Variants in NT5C3A observed in about 807,000 individuals in gnomAD.
The protein encoded by NT5C3A is 5'-nucleotidase, cytosolic IIIA.
Under a neutral mutation model 40.0 loss-of-function variants are expected in NT5C3A, and 23 were observed. The observed-to-expected ratio is 0.58, with a 90% CI of 0.41 to 0.81. The LOEUF (loss-of-function observed/expected upper bound fraction) is 0.81, where lower values mean the gene tolerates loss of function less well. Among genes scored for constraint, NT5C3A ranks in the 40% least tolerant of loss-of-function variants. The pLI, the probability that NT5C3A is intolerant of heterozygous loss-of-function variation, is 0.00. For missense variants in NT5C3A, 328 were observed against 403.0 expected (o/e 0.81, Z 1.59); for synonymous variants, 130 against 141.4 (o/e 0.92, Z 0.57).
intron 1 of NT5C3A, chr7:33,040,931 C>T (rs1456269939): frequency 1.2e-5 from 12 of 985,312 alleles, no homozygotes; most frequent in Non-Finnish European, 1.4e-5. Context: ...CTGAGAAGTA[C>T]TAATATAGCA....
intron 1 of NT5C3A, among the ~76,000 whole-genome samples, chr7:33,052,844 G>A (rs943676763): frequency 6.6e-6 from 1 of 152,180 alleles, no homozygotes; most frequent in African/African-American, 2.4e-5. Context: ...CAAAGTTTCT[G>A]ATTGTTTGTC....
At chr7:33,024,208 T>C (rs566392266) in intron 2 of NT5C3A, 100 bp from the exon 3 acceptor site, 37 of 725,102 alleles carry the variant, frequency 5.1e-5, no homozygotes, top group Middle Eastern at 2.3e-4. Flanking sequence ...CCTAGATGCA[T>C]AGGACTGTGC....
intron 1 of NT5C3A, among the ~76,000 whole-genome samples, chr7:33,037,932 C>T (rs1485426267): frequency 6.6e-6 from 1 of 152,032 alleles, no homozygotes; most frequent in Non-Finnish European, 1.5e-5. Flanking sequence ...TGATTATAGT[C>T]AAGTTTAAGT....
intron 1 of NT5C3A, among the ~76,000 whole-genome samples, chr7:33,041,391 G>T (rs1219829245): frequency 6.6e-6 from 1 of 152,154 alleles, no homozygotes; most frequent in Non-Finnish European, 1.5e-5. Flanking sequence ...GTGGACAGTG[G>T]TTATGGTTGC....
chr7:33,015,603 C>A, intron 8 of NT5C3A, 67 bp downstream of exon 8: 1 of 1,028,848 alleles, frequency 9.7e-7, no homozygotes, highest in African/African-American at 1.6e-5. Context: ...GTGACTATGG[C>A]AACAATTGCC....
chr7:33,041,070 G>C (rs888218118), intron 1 of NT5C3A: 2 of 985,060 alleles, frequency 2.0e-6, no homozygotes, highest in Admixed American at 1.2e-4. Flanking sequence ...CTAGTCACAA[G>C]TCAATCTACA....
chr7:33,054,120 T>G (rs1182716781), intron 1 of NT5C3A, among the ~76,000 whole-genome samples: 1 of 151,756 alleles, frequency 6.6e-6, no homozygotes, highest in East Asian at 1.9e-4. Flanking sequence ...CTTTGGGAGG[T>G]AGAGGTAGGA....
chr7:33,017,578 T>G lies in NT5C3A; in HGVS notation c.554A>C (p.Asp185Ala). Residue 185 changes from aspartate to alanine, a missense_variant, in exon 7 of 9, where the codon GAT (aspartate) becomes GCT (alanine). By Grantham distance (126) the Asp-to-Ala change is moderately radical. Transcript: ENST00000610140. ...GGGGATGCTATGTTGTTGGAGCTTA[T>G]CAAAGAAATTCTCATATCCTTCTCT... ...MLKEGYENFF[D>A]KLQQHSIPVF... The G allele has an allele frequency of 6.2e-7, 1 of 1,613,822 alleles. No individual in the cohort carries two copies. Among genetic ancestry groups the G allele is most frequent in the South Asian group, 1.1e-5 (1 of 91,072 alleles).
At chr7:33,035,949 G>T in intron 1 of NT5C3A, 1 of 1,613,060 alleles carries the variant, frequency 6.2e-7, no homozygotes, top group Non-Finnish European at 8.5e-7. Context: ...TCACATGTAC[G>T]GCAGACTCTT....
At chr7:33,041,438 A>G (rs185951320) in intron 1 of NT5C3A, among the ~76,000 whole-genome samples, 1 of 152,188 alleles carries the variant, frequency 6.6e-6, no homozygotes, top group Admixed American at 6.5e-5. Flanking sequence ...ACCAAATGAA[A>G]TGCTTAAAAA....
chr7:33,035,027 A>G (rs918514786), intron 1 of NT5C3A, among the ~76,000 whole-genome samples: 50 of 69,660 alleles, frequency 7.2e-4, no homozygotes, highest in Non-Finnish European at 1.1e-3. Context: ...CACTAACGTA[A>G]TAGAGTAGAT....
At chr7:33,023,926 G>T in intron 3 of NT5C3A, 113 bp downstream of exon 3, 1 of 716,826 alleles carries the variant, frequency 1.4e-6, no homozygotes, top group Non-Finnish European at 2.5e-6. Flanking sequence ...TCTCCTCACT[G>T]TCAATGTCCA....
intron 1 of NT5C3A, among the ~76,000 whole-genome samples, chr7:33,058,004 G>T (rs753866756): frequency 6.6e-6 from 1 of 152,158 alleles, no homozygotes; most frequent in Non-Finnish European, 1.5e-5. Flanking sequence ...TAGAATAACT[G>T]AATAAGATTA....
At chr7:33,015,921 G>C in intron 7 of NT5C3A, 51 bp from the exon 8 acceptor site, 1 of 1,267,564 alleles carries the variant, frequency 7.9e-7, no homozygotes, top group South Asian at 1.2e-5. Context: ...CTATTTGTTG[G>C]ATTTTCATAT....
chr7:33,026,830 GCTC>G lies in NT5C3A; in HGVS notation c.221_223del (p.Gly74del). 1 of 1,608,992 alleles carries G rather than the reference GCTC, an allele frequency of 6.2e-7. No homozygotes were observed. The highest frequency in any genetic ancestry group is 8.5e-7 in the Non-Finnish European group (1 of 1,177,204). Reference sequence around the variant, plus strand: ...ATAATTATTCACCTGAAGTTTGGCAGCTCCTCCTTTGATAAGACCACAGATAAT... The same window carrying G: ...ATAATTATTCACCTGAAGTTTGGCAGCTCCTTTGATAAGACCACAGATAAT... On this transcript the variant is annotated inframe_deletion, in exon 2 of 9. Transcript: ENST00000610140.
At chr7:33,046,835 A>C (rs983830188) in intron 1 of NT5C3A, among the ~76,000 whole-genome samples, 6 of 148,414 alleles carry the variant, frequency 4.0e-5, no homozygotes, top group Non-Finnish European at 7.4e-5. Flanking sequence ...ATGGAGTCTC[A>C]TTCTGTCGCC....
At chr7:33,027,471 G>C (rs970406292) in intron 1 of NT5C3A, among the ~76,000 whole-genome samples, 1 of 152,134 alleles carries the variant, frequency 6.6e-6, no homozygotes, top group Admixed American at 6.5e-5. Flanking sequence ...TGCTTTATCA[G>C]AAAGTATATA....
chr7:33,053,768 G>T (rs1427927767), intron 1 of NT5C3A, among the ~76,000 whole-genome samples: 1 of 152,178 alleles, frequency 6.6e-6, no homozygotes, highest in African/African-American at 2.4e-5. Context: ...GTTCAAAGGG[G>T]ACTCCATCTG....
rs11286607 is a variant in NT5C3A at position 33,017,182 on chromosome 7, CA to C, written c.693+256del. ...TGGGCAACAGAGTGAGACTCCATCT[CA>C]AAAAAAAAAAAAAAAAAGAAGAAGT... On this transcript the variant is annotated intron_variant, in intron 7 of 8. Transcript: ENST00000610140. The C allele has an allele frequency of 0.5, 157,484 of 317,300 alleles. 22,272 individuals are homozygous for C. The highest frequency in any genetic ancestry group is 0.66 in the African/African-American group (22,888 of 34,446). 19.7% of individuals were successfully genotyped at this position (317,300 alleles called of 1,614,324 possible). A position where few individuals can be genotyped will look rare whatever the true frequency, so the allele number is the denominator to read the frequency against.
Sources: gnomAD v4.1 joint callset for allele counts (sites outside exome capture counted in the v4.1 genomes callset) on GRCh38, gnomAD v4.1.1 for gene constraint, MANE v1.5 for transcripts, NCBI Gene and HGNC (gene_info 2026-07-23, HGNC 2026-07-21) for gene names.